The following CSMD1 variants were observed in gnomAD, a reference collection of about 807,000 sequenced individuals.
The protein encoded by CSMD1 is CUB and Sushi multiple domains 1.
Under a neutral mutation model 417.5 loss-of-function variants are expected in CSMD1, and 213 were observed. The ratio of observed to expected loss-of-function variants is 0.51; its 90% confidence interval spans 0.46 to 0.57. The LOEUF (loss-of-function observed/expected upper bound fraction) is 0.57, where lower values mean the gene tolerates loss of function less well. CSMD1 is among the 20% of genes least tolerant of loss of function. The pLI, the probability that CSMD1 is intolerant of heterozygous loss-of-function variation, is 0.00. For synonymous variants in CSMD1, 2,862 were observed against 1,736.8 expected (o/e 1.65, Z -16.11); for missense variants, 6,923 against 4,529.7 (o/e 1.53, Z -15.17).
At chr8:3,825,871 G>C (rs1444015664) in intron 5 of CSMD1, among the ~76,000 whole-genome samples, 3 of 152,294 alleles carry the variant, frequency 2.0e-5, no homozygotes, top group Middle Eastern at 3.4e-3. Flanking sequence ...GTACACTAGG[G>C]CAAGATCAGA....
intron 15 of CSMD1, among the ~76,000 whole-genome samples, chr8:3,402,895 T>A (rs1812125523): frequency 6.6e-6 from 1 of 152,134 alleles, no homozygotes. Context: ...TGTTCTACGT[T>A]AGAGGACTTA....
Position 4,924,532 on chromosome 8 carries a change from G to A in CSMD1, c.85+69800C>T, listed in dbSNP as rs966251491. Among the ~76,000 whole-genome samples, 10 of 152,074 alleles carry A rather than the reference G, an allele frequency of 6.6e-5. 1 individual carries two copies. The highest frequency in any genetic ancestry group is 2.2e-4 in the African/African-American group (9 of 41,524). On this transcript the variant is annotated intron_variant, in intron 1 of 69. Coordinates refer to ENST00000635120, the MANE Select transcript of CSMD1 (RefSeq NM_033225.6). ...GAGGTCAGGAGTTCGAGACCAGCCT[G>A]GCCAACATGGCAAAACCCGTCTCTA...
chr8:2,956,258 A>T (rs763829753), intron 63 of CSMD1, among the ~76,000 whole-genome samples: 123 of 152,140 alleles, frequency 8.1e-4, no homozygotes, highest in African/African-American at 2.7e-3. Context: ...TATTTTGATA[A>T]AACTTTAATG....
intron 25 of CSMD1, among the ~76,000 whole-genome samples, chr8:3,297,186 A>C (rs1804033358): frequency 6.6e-6 from 1 of 152,192 alleles, no homozygotes; most frequent in Non-Finnish European, 1.5e-5. Context: ...AAAGCTAAAT[A>C]AATGGAGAGG....
intron 1 of CSMD1, among the ~76,000 whole-genome samples, chr8:4,827,997 T>C (rs539666516): frequency 1.4e-3 from 214 of 152,326 alleles, no homozygotes; most frequent in African/African-American, 4.9e-3. Flanking sequence ...ATAAACTTTA[T>C]AATGCAAAAT....
intron 6 of CSMD1, among the ~76,000 whole-genome samples, chr8:3,709,568 T>C (rs1479923287): frequency 1.3e-5 from 2 of 151,004 alleles, no homozygotes; most frequent in Non-Finnish European, 2.9e-5. Flanking sequence ...CTCTCCCCAG[T>C]GTGGGTGGGC....
intron 2 of CSMD1, among the ~76,000 whole-genome samples, chr8:4,515,435 G>A (rs546727174): frequency 1.6e-4 from 24 of 152,196 alleles, no homozygotes; most frequent in Admixed American, 3.9e-4. Context: ...AGTCAGGAAC[G>A]CTTTCAGAGG....
intron 2 of CSMD1, among the ~76,000 whole-genome samples, chr8:4,572,139 G>A (rs534828598): frequency 2.6e-5 from 4 of 152,318 alleles, no homozygotes; most frequent in African/African-American, 9.6e-5. Flanking sequence ...ATTGTTATGT[G>A]TGAATTCGAA....
rs560326861 is a variant in CSMD1, at chr8:2,946,784, AC to A, written c.10402+2514del. 5.3e-5 allele frequency among the ~76,000 whole-genome samples: 8 copies of A among 152,304 alleles called. No homozygotes were observed. In the East Asian group the frequency reaches 1.5e-3, roughly 29 times the overall value. On this transcript the variant is annotated intron_variant, in intron 68 of 69. Coordinates refer to ENST00000635120, the MANE Select transcript of CSMD1 (RefSeq NM_033225.6). ...TGGAATTGCTGGAGCTTAAGTAACA[AC>A]TGTTTGATGAACTACCAGAGTGTTT...
chr8:3,271,612 A>G (rs570171458), intron 26 of CSMD1, among the ~76,000 whole-genome samples: 59 of 152,222 alleles, frequency 3.9e-4, no homozygotes, highest in Non-Finnish European at 6.9e-4. Flanking sequence ...CTTTTTAATG[A>G]TTGCCATTCC....
intron 54 of CSMD1, among the ~76,000 whole-genome samples, chr8:2,980,372 TTCC>T (rs1180120110): frequency 5.9e-5 from 9 of 151,412 alleles, no homozygotes; most frequent in East Asian, 1.9e-4. Flanking sequence ...GTGTCCTTTC[TTCC>T]TCCTCCTCTT....
intron 66 of CSMD1, among the ~76,000 whole-genome samples, chr8:2,950,645 C>G (rs1421423131): frequency 6.6e-6 from 1 of 151,942 alleles, no homozygotes; most frequent in Non-Finnish European, 1.5e-5. Context: ...AAATCTCTCT[C>G]TAAAAAAGTA....
chr8:4,009,296 T>A (rs561290901), intron 4 of CSMD1, among the ~76,000 whole-genome samples: 2 of 152,340 alleles, frequency 1.3e-5, no homozygotes, highest in Non-Finnish European at 2.9e-5. Flanking sequence ...ACTCTAGAAT[T>A]TTTGTGCCCC....
chr8:4,140,722 C>G (rs1803735159), intron 3 of CSMD1, among the ~76,000 whole-genome samples: 1 of 150,878 alleles, frequency 6.6e-6, no homozygotes, highest in Non-Finnish European at 1.5e-5. Context: ...TCTGGACAAT[C>G]TGTAAGTCTT....
intron 50 of CSMD1, among the ~76,000 whole-genome samples, chr8:3,031,863 CTCT>C (rs35802252): frequency 0.041 from 4,535 of 109,744 alleles, 230 homozygotes; most frequent in African/African-American, 0.13. Context: ...GCTCACATCT[CTCT>C]TTTTTTTTTT....
intron 1 of CSMD1, among the ~76,000 whole-genome samples, chr8:4,689,865 A>G (rs147455967): frequency 6.6e-6 from 1 of 152,294 alleles, no homozygotes; most frequent in East Asian, 1.9e-4. Flanking sequence ...GTATGTTTAT[A>G]TGAATGATTA....
intron 7 of CSMD1, among the ~76,000 whole-genome samples, chr8:3,672,465 A>G (rs187172274): frequency 1.3e-5 from 2 of 152,280 alleles, no homozygotes; most frequent in East Asian, 1.9e-4. Context: ...CAAATGTTCA[A>G]AACACGTGTA....
intron 5 of CSMD1, among the ~76,000 whole-genome samples, chr8:3,868,389 C>T (rs1805250831): frequency 6.6e-6 from 1 of 152,100 alleles, no homozygotes; most frequent in African/African-American, 2.4e-5. Flanking sequence ...GGCCACAGGT[C>T]CCTGCTGTGC....
intron 50 of CSMD1, among the ~76,000 whole-genome samples, chr8:3,049,322 G>C (rs574277272): frequency 6.6e-6 from 1 of 152,148 alleles, no homozygotes; most frequent in South Asian, 2.1e-4. Flanking sequence ...GTAAAACTTG[G>C]AAGCAACCCA....
Sources: allele counts gnomAD v4.1 joint callset (sites outside exome capture counted in the v4.1 genomes callset), GRCh38; gene constraint gnomAD v4.1.1; transcripts MANE v1.5; gene names NCBI Gene and HGNC (gene_info 2026-07-23, HGNC 2026-07-21).